Variants in SPOCK3 observed in about 807,000 individuals in gnomAD.
SPOCK3 encodes the protein SPARC (osteonectin), cwcv and kazal like domains proteoglycan 3.
A neutral mutation model predicts 56.6 loss-of-function variants in SPOCK3; 30 were observed. The observed-to-expected ratio is 0.53, with a 90% CI of 0.40 to 0.72. The LOEUF (loss-of-function observed/expected upper bound fraction) is 0.72. Among genes scored for constraint, SPOCK3 ranks in the 30% least tolerant of loss-of-function variants. The pLI, the probability that SPOCK3 is intolerant of heterozygous loss-of-function variation, is 0.00. For synonymous variants in SPOCK3, 196 were observed against 183.3 expected, an observed-to-expected ratio of 1.07 and a Z score of -0.56; for missense variants, 527 against 530.0, an observed-to-expected ratio of 0.99 and a Z score of 0.06.
intron 2 of SPOCK3, among the ~76,000 whole-genome samples, chr4:167,112,346 A>C (rs1760975566): frequency 6.6e-6 from 1 of 152,160 alleles, no homozygotes; most frequent in Non-Finnish European, 1.5e-5. Context: ...TCAGTTTTTT[A>C]AATATAAATT....
intron 3 of SPOCK3, among the ~76,000 whole-genome samples, chr4:167,051,022 G>A (rs1443158753): frequency 6.6e-6 from 1 of 152,090 alleles, no homozygotes; most frequent in Non-Finnish European, 1.5e-5. Context: ...ATTGCAAAAC[G>A]ATATGAATGT....
intron 2 of SPOCK3, among the ~76,000 whole-genome samples, chr4:167,109,413 A>AT (rs1760668674): frequency 1.2e-5 from 1 of 82,130 alleles, no homozygotes; most frequent in African/African-American, 4.4e-5. Flanking sequence ...ATATAAATAT[A>AT]TATATAAATA....
intron 2 of SPOCK3, among the ~76,000 whole-genome samples, chr4:167,194,325 TTTG>T (rs1204668379): frequency 1.3e-4 from 15 of 115,674 alleles, no homozygotes; most frequent in Non-Finnish European, 7.0e-5. Context: ...TGTTCTTGAT[TTTG>T]TTTAGTTGCC....
chr4:167,176,932 T>C (rs1212569900), intron 2 of SPOCK3, among the ~76,000 whole-genome samples: 1 of 152,094 alleles, frequency 6.6e-6, no homozygotes, highest in Non-Finnish European at 1.5e-5. Context: ...ACTATGTTTG[T>C]TCAACTCTAT....
intron 4 of SPOCK3, among the ~76,000 whole-genome samples, chr4:166,919,621 C>T (rs934446027): frequency 6.6e-6 from 1 of 152,132 alleles, no homozygotes; most frequent in East Asian, 1.9e-4. Flanking sequence ...TAATTCCACA[C>T]TATTTCAATT....
rs748340803 is a variant in SPOCK3 at position 166,761,895 on chromosome 4, TAA to T, written c.710-7168_710-7167del. 5.2e-4 allele frequency among the ~76,000 whole-genome samples: 54 copies of T among 103,430 alleles called. 1 individual carries two copies. The highest frequency in any genetic ancestry group is 4.0e-3 in the East Asian group (9 of 2,252). The allele number at this position is 103,430 out of a possible 152,430, so 67.9% of individuals were successfully genotyped here. ...ATGTACCCTAAAACTTAGAGTATAATAAAAAAAAAAAAAAAAAAAAAAAAAAA... is the reference window on the plus strand; with the variant it reads ...ATGTACCCTAAAACTTAGAGTATAATAAAAAAAAAAAAAAAAAAAAAAAAA... On this transcript the variant is annotated intron_variant, in intron 7 of 10. Transcript: ENST00000357545.
chr4:167,095,775 A>G (rs1193072647), intron 2 of SPOCK3, among the ~76,000 whole-genome samples: 1 of 151,734 alleles, frequency 6.6e-6, no homozygotes. Context: ...CTGAATATAT[A>G]TATATATATG....
intron 6 of SPOCK3, among the ~76,000 whole-genome samples, chr4:166,799,102 G>A (rs1254332919): frequency 1.3e-5 from 2 of 152,138 alleles, no homozygotes; most frequent in Admixed American, 6.5e-5. Flanking sequence ...CTGGCACAGT[G>A]AGAATTCCAG....
intron 2 of SPOCK3, among the ~76,000 whole-genome samples, chr4:167,144,762 C>A (rs1763802597): frequency 8.8e-6 from 1 of 113,380 alleles, no homozygotes; most frequent in Admixed American, 8.4e-5. Context: ...AACACAAGTG[C>A]AATTAATCTT....
intron 4 of SPOCK3, among the ~76,000 whole-genome samples, chr4:166,943,404 T>A (rs763695626): frequency 7.2e-5 from 11 of 152,142 alleles, no homozygotes; most frequent in Non-Finnish European, 1.5e-4. Flanking sequence ...AGAGATATAA[T>A]ACTTAATATA....
chr4:166,866,585 G>GA (rs1351561015), intron 6 of SPOCK3, among the ~76,000 whole-genome samples: 9 of 151,826 alleles, frequency 5.9e-5, no homozygotes, highest in Admixed American at 5.9e-4. Flanking sequence ...AAATTTACAA[G>GA]AAAAAAGAAA....
chr4:167,042,250 T>C (rs1165513898), intron 3 of SPOCK3, among the ~76,000 whole-genome samples: 1 of 152,168 alleles, frequency 6.6e-6, no homozygotes, highest in Non-Finnish European at 1.5e-5. Flanking sequence ...ATTCAACCCA[T>C]ATGCAGGTAT....
intron 2 of SPOCK3, among the ~76,000 whole-genome samples, chr4:167,170,253 T>C (rs1324175937): frequency 4.6e-5 from 7 of 152,186 alleles, no homozygotes; most frequent in Non-Finnish European, 1.0e-4. Flanking sequence ...TTGTTCTATA[T>C]AAAATGCTAG....
intron 2 of SPOCK3, among the ~76,000 whole-genome samples, chr4:167,135,298 A>G (rs1005150498): frequency 1.1e-4 from 16 of 152,094 alleles, no homozygotes; most frequent in Non-Finnish European, 2.1e-4. Context: ...AAAATATACA[A>G]AAGATTTGGA....
intron 4 of SPOCK3, among the ~76,000 whole-genome samples, chr4:166,956,464 T>C (rs1743488385): frequency 6.6e-6 from 1 of 152,074 alleles, no homozygotes; most frequent in Admixed American, 6.6e-5. Context: ...AATTGACAAA[T>C]GGGTAAGTAG....
chr4:167,181,461 CA>C (rs1245419654), intron 2 of SPOCK3, among the ~76,000 whole-genome samples: 1 of 152,204 alleles, frequency 6.6e-6, no homozygotes, highest in East Asian at 1.9e-4. Context: ...ATAATTTGAT[CA>C]AGTTATTGCT....
At chr4:166,983,637 C>T (rs950216605) in intron 4 of SPOCK3, among the ~76,000 whole-genome samples, 6 of 151,954 alleles carry the variant, frequency 3.9e-5, no homozygotes, top group Admixed American at 3.9e-4. Flanking sequence ...TTTGAATGCT[C>T]TCAACACAAA....
At chr4:166,930,445 T>G (rs942643652) in intron 4 of SPOCK3, among the ~76,000 whole-genome samples, 24 of 151,780 alleles carry the variant, frequency 1.6e-4, no homozygotes, top group Non-Finnish European at 3.2e-4. Context: ...AAGGAGCTAG[T>G]CTTATGAAAC....
chr4:166,846,490 A>G (rs1257309253), intron 6 of SPOCK3, among the ~76,000 whole-genome samples: 1 of 152,062 alleles, frequency 6.6e-6, no homozygotes, highest in East Asian at 1.9e-4. Context: ...GGTTGAAAAA[A>G]TATTTGTGAT....
Sources: gnomAD v4.1 joint callset for allele counts (sites outside exome capture counted in the v4.1 genomes callset) on GRCh38, gnomAD v4.1.1 for gene constraint, MANE v1.5 for transcripts, NCBI Gene and HGNC (gene_info 2026-07-23, HGNC 2026-07-21) for gene names.